DDX19A: variants seen among roughly 807,000 people sequenced by gnomAD.
DDX19A encodes ATP-dependent RNA helicase DDX19A.
A neutral mutation model predicts 60.6 loss-of-function variants in DDX19A; 12 were observed. That is an observed-to-expected ratio of 0.20 (90% CI 0.13 to 0.32). DDX19A has a LOEUF of 0.32. DDX19A is among the 10% of genes least tolerant of loss of function. The probability of loss-of-function intolerance (pLI) is 1.00; values close to 1 mark genes in which losing one functional copy is unlikely to be tolerated. For missense variants in DDX19A, 337 were observed against 600.6 expected (o/e 0.56, Z 4.59); for synonymous variants, 206 against 218.2 (o/e 0.94, Z 0.49).
Position 70,366,601 on chromosome 16 carries a change from T to G in DDX19A, c.783-23T>G, listed in dbSNP as rs752991820. The G allele has an allele frequency of 4.3e-6, 7 of 1,613,666 alleles. No individual in the cohort carries two copies. In the East Asian group the frequency reaches 1.3e-4, roughly 31 times the overall value. ...TGCTTCCCAGGGCCACCTGGGGCCA[T>G]CTACCCGGGCCTTCCCTTGCAGGAT... On this transcript the variant is annotated intron_variant, in intron 8 of 11. Coordinates refer to ENST00000302243, the MANE Select transcript of DDX19A (RefSeq NM_018332.5).
intron 6 of DDX19A, 77 bp from the exon 7 acceptor site, chr16:70,364,940 A>G: frequency 9.3e-7 from 1 of 1,075,880 alleles, no homozygotes; most frequent in Non-Finnish European, 1.4e-6. Context: ...AGTGCTAATA[A>G]CATCAGCATA....
intron 1 of DDX19A, among the ~76,000 whole-genome samples, chr16:70,348,398 G>A (rs942626047): frequency 2.0e-5 from 3 of 151,948 alleles, no homozygotes; most frequent in Admixed American, 6.6e-5. Flanking sequence ...GGCCGAGGCG[G>A]GCAGATCACT....
chr16:70,355,497 C>T lies in DDX19A; in HGVS notation c.119C>T (p.Thr40Ile). 1 of 1,613,726 alleles carries T rather than the reference C, an allele frequency of 6.2e-7. No individual in the cohort carries two copies. Residue 40 changes from threonine to isoleucine, a missense_variant, in exon 3 of 12, where the codon ACC becomes ATC. Thr to Ile is a moderately conservative substitution (Grantham distance 89, BLOSUM62 -1). Coordinates refer to ENST00000302243, the MANE Select transcript of DDX19A (RefSeq NM_018332.5). Reference protein sequence around the residue: ...VKADTNGIIKTSTTAEKTDEE... With the variant: ...VKADTNGIIKISTTAEKTDEE... ...TTTTCTTGTGTAGGTATTATCAAAA[C>T]CAGTACCACTGCCGAGAAAACAGAT...
intron 1 of DDX19A, among the ~76,000 whole-genome samples, chr16:70,348,499 C>T (rs1468942055): frequency 6.6e-6 from 1 of 151,708 alleles, no homozygotes; most frequent in African/African-American, 2.4e-5. Context: ...GGTAGTCGTC[C>T]CCTGTTAATA....
intron 7 of DDX19A, 111 bp from the exon 8 acceptor site, chr16:70,365,973 TG>T: frequency 6.6e-7 from 1 of 1,525,080 alleles, no homozygotes; most frequent in Non-Finnish European, 9.0e-7. Context: ...ATGTGTGTTT[TG>T]AAATCTGGAA....
At chr16:70,355,786 A>AC (rs749530904) in intron 3 of DDX19A, 6 of 578,478 alleles carry the variant, frequency 1.0e-5, no homozygotes, top group South Asian at 2.1e-5. Flanking sequence ...ACATACTGAG[A>AC]CCCCATCTCT....
At chr16:70,356,938 G>GT (rs746090230) in intron 4 of DDX19A, 13,357 of 429,976 alleles carry the variant, frequency 0.031, 15 homozygotes, top group South Asian at 0.058. Flanking sequence ...TGTGCTATTT[G>GT]TTTTTTTTTT....
intron 4 of DDX19A, among the ~76,000 whole-genome samples, chr16:70,357,373 T>TTTG (rs1964242034): frequency 5.1e-5 from 2 of 39,178 alleles, no homozygotes; most frequent in Non-Finnish European, 1.1e-4. Flanking sequence ...TTTGTTTTTT[T>TTTG]TTTTTTTTTT....
intron 2 of DDX19A, among the ~76,000 whole-genome samples, chr16:70,351,251 G>C (rs535985830): frequency 6.3e-4 from 95 of 151,550 alleles, no homozygotes; most frequent in Non-Finnish European, 1.1e-3. Flanking sequence ...TGTCGTGCAG[G>C]CTAGAGTGGA....
intron 4 of DDX19A, among the ~76,000 whole-genome samples, chr16:70,358,083 C>T (rs1293423870): frequency 6.6e-6 from 1 of 151,986 alleles, no homozygotes; most frequent in Admixed American, 6.6e-5. Context: ...CAGGCTGGAG[C>T]GCAGTGGCAC....
Position 70,356,097 on chromosome 16 carries a change from G to A in DDX19A, c.158-15G>A. 6.2e-7 allele frequency: 1 copy of A among 1,613,234 alleles called. No homozygotes were observed. Among genetic ancestry groups the A allele is most frequent in the East Asian group, 2.2e-5 (1 of 44,876 alleles). ...GCCAGATGAGTATGAAGATCTACTG[G>A]TTTCTTCCTGACAGAGGACAGAGCT... On this transcript the variant is annotated splice_polypyrimidine_tract_variant and intron_variant, in intron 3 of 11. Coordinates refer to ENST00000302243, the MANE Select transcript of DDX19A (RefSeq NM_018332.5).
At chr16:70,359,352 C>G (rs1215899042) in intron 4 of DDX19A, among the ~76,000 whole-genome samples, 2 of 152,120 alleles carry the variant, frequency 1.3e-5, no homozygotes, top group African/African-American at 2.4e-5. Flanking sequence ...TTCTTTGTGT[C>G]TGAGAACCAA....
intron 2 of DDX19A, among the ~76,000 whole-genome samples, chr16:70,351,866 C>A (rs531178638): frequency 2.0e-5 from 3 of 152,022 alleles, no homozygotes; most frequent in African/African-American, 7.2e-5. Flanking sequence ...CCAGATCCTG[C>A]ATGAGGTAAA....
At chr16:70,354,232 G>A (rs1227884767) in intron 2 of DDX19A, among the ~76,000 whole-genome samples, 3 of 151,154 alleles carry the variant, frequency 2.0e-5, no homozygotes, top group African/African-American at 4.9e-5. Context: ...TGCAACCTCC[G>A]CCTCCCAGGT....
Position 70,372,088 on chromosome 16 carries a change from G to C in DDX19A, c.*102G>C, listed in dbSNP as rs117023031. ...CGACATCACCCCAAGGACAACGGCA[G>C]AAGTAGAGAGAAACTACCTACCTCA... is the stretch of plus-strand genomic sequence containing the variant. On this transcript the variant is annotated 3_prime_UTR_variant, in exon 12 of 12. Transcript: ENST00000302243. The C allele has an allele frequency of 4.4e-3, 6,928 of 1,561,344 alleles. 30 individuals are homozygous for C. Among genetic ancestry groups the C allele is most frequent in the Non-Finnish European group, 5.2e-3 (5,920 of 1,136,578 alleles).
chr16:70,366,964 A>G lies in DDX19A; in HGVS notation c.1020+103A>G, dbSNP rs1001528624. On this transcript the variant is annotated intron_variant, in intron 9 of 11. Coordinates refer to ENST00000302243, the MANE Select transcript of DDX19A (RefSeq NM_018332.5). ...CCCTGAGCGCCATGGAAAGAAGGGA[A>G]GTGCTTTTTGAAGATGTAAGAGACA... 32 of 1,376,070 alleles carry G rather than the reference A, an allele frequency of 2.3e-5. 1 individual carries two copies. The South Asian group carries it at 4.1e-4, about 18-fold the overall frequency. 85.2% of individuals were successfully genotyped at this position (1,376,070 alleles called of 1,614,324 possible). A position where few individuals can be genotyped will look rare whatever the true frequency, so the allele number is the denominator to read the frequency against.
intron 5 of DDX19A, chr16:70,363,835 G>A (rs562141065): frequency 6.6e-6 from 1 of 152,152 alleles, no homozygotes; most frequent in Non-Finnish European, 1.5e-5. Context: ...CGCCTCCCAG[G>A]TTCATGCCAT....
At chr16:70,365,859 T>C in intron 7 of DDX19A, 1 of 611,040 alleles carries the variant, frequency 1.6e-6, no homozygotes, top group Non-Finnish European at 2.9e-6. Flanking sequence ...CTGATGCTTA[T>C]TGAAGGATTG....
chr16:70,355,376 G>A (rs1964153772), intron 2 of DDX19A, 109 bp from the exon 3 acceptor site: 1 of 909,482 alleles, frequency 1.1e-6, no homozygotes, highest in Non-Finnish European at 1.7e-6. Flanking sequence ...AACTCCGTCT[G>A]AAAAATAAAA....
Sources: allele counts gnomAD v4.1 joint callset (sites outside exome capture counted in the v4.1 genomes callset), GRCh38; gene constraint gnomAD v4.1.1; transcripts MANE v1.5; gene names NCBI Gene and HGNC (gene_info 2026-07-23, HGNC 2026-07-21).